CEP85L: variants seen among roughly 807,000 people sequenced by gnomAD.
CEP85L encodes the protein centrosomal protein of 85 kDa-like.
A neutral mutation model predicts 100.3 loss-of-function variants in CEP85L; 60 were observed. The observed-to-expected ratio is 0.60, with a 90% confidence interval of 0.49 to 0.74. The LOEUF is 0.74. CEP85L is among the 30% of genes least tolerant of loss of function. CEP85L has a pLI of 0.00. For missense variants in CEP85L, 973 were observed against 936.2 expected (o/e 1.04, Z -0.51); for synonymous variants, 319 against 322.7 (o/e 0.99, Z 0.12).
chr6:118,625,113 C>T (rs1276632965), intron 2 of CEP85L, among the ~76,000 whole-genome samples: 1 of 152,218 alleles, frequency 6.6e-6, no homozygotes, highest in Non-Finnish European at 1.5e-5. Context: ...ACCAATCTGC[C>T]AGCCACACAG....
chr6:118,491,864 GGCT>G lies in CEP85L; in HGVS notation c.1258-2_1258del. ...CTGGAGTGAAGTGTTCTCATATTGT[GGCT>G]GTTAGGAAAGAAAAAAAGGAGGTAA... On this transcript the variant is annotated splice_acceptor_variant and coding_sequence_variant, in exon 6 of 13. Coordinates refer to ENST00000368491, the MANE Select transcript of CEP85L (RefSeq NM_001042475.3). LOFTEE classifies it high-confidence loss of function. 6.3e-7 allele frequency: 1 copy of G among 1,580,556 alleles called. No homozygotes were observed. Among genetic ancestry groups the G allele is most frequent in the Non-Finnish European group, 8.6e-7 (1 of 1,167,280 alleles).
At chr6:118,615,698 G>C (rs1036996799) in intron 2 of CEP85L, among the ~76,000 whole-genome samples, 1 of 152,174 alleles carries the variant, frequency 6.6e-6, no homozygotes. Context: ...GTATCAGCTT[G>C]AGGGCTGCAG....
At chr6:118,566,993 CTT>C (rs1779547190) in intron 2 of CEP85L, among the ~76,000 whole-genome samples, 1 of 151,840 alleles carries the variant, frequency 6.6e-6, no homozygotes, top group Non-Finnish European at 1.5e-5. Context: ...TCAGACACAA[CTT>C]TGTCAGAAAA....
At chr6:118,654,933 C>T (rs1344350601), upstream of CEP85L, among the ~76,000 whole-genome samples, 1 of 151,950 alleles carries the variant, frequency 6.6e-6, no homozygotes, top group Non-Finnish European at 1.5e-5. Flanking sequence ...TGGTATAGGC[C>T]AGGTCAGTTG....
chr6:118,706,244 G>A (rs185346921), intron 1 of CEP85L, among the ~76,000 whole-genome samples: 16 of 152,264 alleles, frequency 1.1e-4, no homozygotes, highest in Admixed American at 6.5e-5. Context: ...TCTTCATATT[G>A]AAGTCTAAGT....
At chr6:118,527,131 C>T (rs1228967821) in intron 3 of CEP85L, among the ~76,000 whole-genome samples, 1 of 150,934 alleles carries the variant, frequency 6.6e-6, no homozygotes, top group Non-Finnish European at 1.5e-5. Flanking sequence ...TCTCCTGCCT[C>T]GCCCTCCTGA....
intron 5 of CEP85L, chr6:118,502,044 A>G: frequency 1.2e-6 from 1 of 835,670 alleles, no homozygotes; most frequent in South Asian, 1.5e-5. Context: ...ATGGAACAAG[A>G]AGACTGGGAC....
chr6:118,473,168 G>A (rs1485394951), intron 10 of CEP85L, among the ~76,000 whole-genome samples: 3 of 152,166 alleles, frequency 2.0e-5, no homozygotes, highest in Non-Finnish European at 4.4e-5. Flanking sequence ...TTCATTGAGT[G>A]ATACATCAGT....
At chr6:118,646,638 G>A (rs1775213760) in intron 1 of CEP85L, among the ~76,000 whole-genome samples, 1 of 152,088 alleles carries the variant, frequency 6.6e-6, no homozygotes, top group African/African-American at 2.4e-5. Context: ...TCCAGCCTGG[G>A]TGACAGAATG....
rs1270002943 is a variant in CEP85L, at chr6:118,470,536, C to G, written c.2022+1G>C. ...AGCAAAATTGAATTTCTTCTACTCA[C>G]TTCAAGCAATGCTTTTGTTAATCTC... On this transcript the variant is annotated splice_donor_variant, in intron 11 of 12. Coordinates refer to ENST00000368491, the MANE Select transcript of CEP85L (RefSeq NM_001042475.3). LOFTEE classifies it high-confidence loss of function. The G allele has an allele frequency of 6.4e-7, 1 of 1,567,366 alleles. No homozygotes were observed. The highest frequency in any genetic ancestry group is 1.2e-5 in the South Asian group (1 of 84,608).
intron 10 of CEP85L, 139 bp downstream of exon 10, chr6:118,479,732 G>T (rs1433278357): frequency 4.6e-6 from 2 of 438,964 alleles, no homozygotes; most frequent in East Asian, 3.7e-5. Context: ...TAATATTAAA[G>T]AATTTGCAAC....
intron 3 of CEP85L, among the ~76,000 whole-genome samples, chr6:118,527,290 C>T (rs1167800861): frequency 6.6e-6 from 1 of 152,026 alleles, no homozygotes. Context: ...CAGGCATGAG[C>T]CACCGCGTCC....
intron 2 of CEP85L, among the ~76,000 whole-genome samples, chr6:118,615,148 C>T (rs988277567): frequency 2.0e-5 from 3 of 152,046 alleles, no homozygotes; most frequent in Non-Finnish European, 2.9e-5. Context: ...GGAAAACTCA[C>T]CAAGAAAAGA....
chr6:118,483,758 T>A lies in CEP85L; in HGVS notation c.1538A>T (p.Lys513Met), dbSNP rs961305107. 5 of 1,613,742 alleles carry A rather than the reference T, an allele frequency of 3.1e-6. No homozygotes were observed. The African/African-American group carries it at 5.3e-5, about 17-fold the overall frequency. ...TAGAGTTGGAAGATCAGCCAGATAC[T>A]TTTCCAAGGTCTCAATTCTTCTCTG... is the stretch of plus-strand genomic sequence containing the variant. ...EKQRRIETLEKYLADLPTLDD... is the reference protein window; with the variant it reads ...EKQRRIETLEMYLADLPTLDD... The change falls in exon 7 of 13, where the codon AAG (lysine) becomes ATG (methionine). Residue 513 changes from lysine to methionine, a missense_variant. Around this residue, in one of 3 missense-constraint regions of CEP85L, gnomAD observed 890 missense variants for 844.5 expected, o/e 1.05. Coordinates refer to ENST00000368491, the MANE Select transcript of CEP85L (RefSeq NM_001042475.3).
intron 3 of CEP85L, among the ~76,000 whole-genome samples, chr6:118,542,370 A>G (rs1777943289): frequency 6.6e-6 from 1 of 152,156 alleles, no homozygotes; most frequent in South Asian, 2.1e-4. Context: ...AGAGTGCCTG[A>G]CAACCAGTAA....
chr6:118,510,516 G>A (rs1480579909), intron 5 of CEP85L, among the ~76,000 whole-genome samples: 1 of 151,946 alleles, frequency 6.6e-6, no homozygotes, highest in African/African-American at 2.4e-5. Context: ...TGACCATAAG[G>A]AGATAAATCT....
intron 2 of CEP85L, among the ~76,000 whole-genome samples, chr6:118,616,590 T>C (rs1260800874): frequency 1.4e-5 from 2 of 144,460 alleles, no homozygotes; most frequent in African/African-American, 2.6e-5. Flanking sequence ...TGTGGCCAGG[T>C]ATGACGGTAT....
At chr6:118,652,690 T>C (rs755457262), upstream of CEP85L, 21 of 1,534,056 alleles carry the variant, frequency 1.4e-5, no homozygotes, top group South Asian at 1.6e-4. Flanking sequence ...GTGTGTGTTC[T>C]ATCACTTACC....
intron 1 of CEP85L, among the ~76,000 whole-genome samples, chr6:118,660,869 A>C (rs1243184193): frequency 6.8e-6 from 1 of 147,230 alleles, no homozygotes; most frequent in East Asian, 2.0e-4. Flanking sequence ...GAAAGGTGTC[A>C]GAATTTTCTT....
Sources: gnomAD v4.1 joint callset for allele counts (sites outside exome capture counted in the v4.1 genomes callset) on GRCh38, gnomAD v4.1.1 for gene constraint, gnomAD v4.1.1 regional missense constraint, MANE v1.5 for transcripts, NCBI Gene and HGNC (gene_info 2026-07-23, HGNC 2026-07-21) for gene names.